Variants in ODF2L observed in about 807,000 individuals in gnomAD.
ODF2L encodes the protein outer dense fiber of sperm tails 2 like, also known as protein BCAP.
ODF2L carries 76 observed loss-of-function variants against 86.3 expected under a neutral mutation model. The observed-to-expected ratio is 0.88, with a 90% CI of 0.73 to 1.07. The LOEUF (loss-of-function observed/expected upper bound fraction) is 1.07. Ranked by LOEUF, ODF2L falls within the 50% of genes least tolerant of loss-of-function variation. ODF2L has a pLI of 0.00. For synonymous variants in ODF2L, 241 were observed against 231.3 expected, an observed-to-expected ratio of 1.04 and a Z score of -0.38; for missense variants, 748 against 717.4, an observed-to-expected ratio of 1.04 and a Z score of -0.49.
At chr1:86,378,918 G>C (rs1426012326) in intron 7 of ODF2L, among the ~76,000 whole-genome samples, 1 of 151,920 alleles carries the variant, frequency 6.6e-6, no homozygotes, top group Non-Finnish European at 1.5e-5. Context: ...GTTGGAGCTG[G>C]GGCCTGGTGG....
At chr1:86,366,391 T>TACACACACACACAC (rs71643841) in intron 11 of ODF2L, among the ~76,000 whole-genome samples, 4 of 119,286 alleles carry the variant, frequency 3.4e-5, no homozygotes, top group African/African-American at 6.6e-5. Flanking sequence ...AGACCCCACC[T>TACACACACACACAC]ACACACACAC....
chr1:86,348,428 G>C (rs571245406), downstream of ODF2L: 1 of 153,118 alleles, frequency 6.5e-6, no homozygotes, highest in South Asian at 2.1e-4. Context: ...AAATTCACTT[G>C]AATGGTGGCT....
At chr1:86,390,405 T>C (rs1374088089) in intron 1 of ODF2L, among the ~76,000 whole-genome samples, 6 of 149,700 alleles carry the variant, frequency 4.0e-5, no homozygotes, top group Middle Eastern at 3.4e-3. Context: ...GGCAACAGAG[T>C]GAGACTCCGT....
At chr1:86,360,442 T>C in exon 12 of ODF2L, 1 of 1,526,966 alleles carries the variant, frequency 6.5e-7, no homozygotes, top group East Asian at 2.3e-5. Context: ...TTTATACATT[T>C]CAATAAGGGT....
chr1:86,358,797 T>C, exon 13 of ODF2L: 1 of 1,364,918 alleles, frequency 7.3e-7, no homozygotes, highest in Non-Finnish European at 1.0e-6. Context: ...CTTCTCTACA[T>C]TTTTATTTTT....
chr1:86,394,838 T>C (rs1661600316), intron 1 of ODF2L, among the ~76,000 whole-genome samples: 1 of 117,252 alleles, frequency 8.5e-6, no homozygotes, highest in Non-Finnish European at 1.9e-5. Flanking sequence ...TGTTTCTTTT[T>C]CCTTTTTTTT....
Position 86,356,244 on chromosome 1 carries a change from A to T in ODF2L, c.1518+200T>A, listed in dbSNP as rs79579195. ...TGAATAAACTAAAATAAGAATTTTA[A>T]TTACCAATTTTTCACCATAAAATAC... On this transcript the variant is annotated intron_variant, in intron 14 of 17. Transcript: ENST00000317336. Among the ~76,000 whole-genome samples, 9 of 152,312 alleles carry T rather than the reference A, an allele frequency of 5.9e-5. 1 individual carries two copies. The East Asian group carries it at 1.7e-3, about 29-fold the overall frequency.
chr1:86,361,778 A>T (rs2100866941), intron 11 of ODF2L, among the ~76,000 whole-genome samples: 1 of 152,214 alleles, frequency 6.6e-6, no homozygotes, highest in East Asian at 1.9e-4. Context: ...TAATTCAAAA[A>T]GGCAGAAATG....
At chr1:86,376,823 G>A (rs1660209203) in intron 7 of ODF2L, among the ~76,000 whole-genome samples, 1 of 152,186 alleles carries the variant, frequency 6.6e-6, no homozygotes, top group Non-Finnish European at 1.5e-5. Flanking sequence ...CCCTAGACAT[G>A]TGGAGATTAT....
chr1:86,383,055 G>T, intron 5 of ODF2L, 53 bp from the exon 6 acceptor site: 2 of 1,286,664 alleles, frequency 1.6e-6, no homozygotes, highest in South Asian at 1.2e-5. Flanking sequence ...GATAATATTG[G>T]CTAACTTTAT....
At chr1:86,382,805 C>A in intron 6 of ODF2L, 126 bp downstream of exon 6, 1 of 627,530 alleles carries the variant, frequency 1.6e-6, no homozygotes, top group South Asian at 1.9e-5. Flanking sequence ...GTAAAATATC[C>A]AAATAATCTA....
At chr1:86,380,316 A>G (rs1471088270) in intron 7 of ODF2L, among the ~76,000 whole-genome samples, 1 of 152,180 alleles carries the variant, frequency 6.6e-6, no homozygotes, top group Non-Finnish European at 1.5e-5. Flanking sequence ...AACTAAGAGA[A>G]GGAGCAATAC....
intron 7 of ODF2L, among the ~76,000 whole-genome samples, chr1:86,379,024 G>C (rs1216637902): frequency 6.6e-6 from 1 of 151,844 alleles, no homozygotes; most frequent in Non-Finnish European, 1.5e-5. Flanking sequence ...TGCGAAATCA[G>C]GTTGTTTAAA....
rs144381853 is a variant in ODF2L, at chr1:86,358,813, T to C, written c.1333A>G (p.Lys445Glu). Reference sequence around the variant, plus strand: ...TTCTCTACATTTTTATTTTTGGTTTTTGTTATTTGGTTATTTTTATGTAGC... The same window carrying C: ...TTCTCTACATTTTTATTTTTGGTTTCTGTTATTTGGTTATTTTTATGTAGC... The change falls in exon 13 of 18, where the codon AAA (lysine) becomes GAA (glutamate). Residue 445 changes from lysine to glutamate, a missense_variant. Physicochemically the swap from Lys to Glu is moderately conservative, Grantham distance 56. Coordinates refer to ENST00000317336, the Ensembl canonical transcript of ODF2L. The C allele has an allele frequency of 3.2e-3, 4,854 of 1,500,070 alleles. 8 individuals are homozygous for C. The highest frequency in any genetic ancestry group is 6.8e-3 in the Admixed American group (356 of 52,570). 92.9% of individuals were successfully genotyped at this position (1,500,070 alleles called of 1,614,324 possible).
At chr1:86,357,601 AG>A (rs1658683138) in intron 13 of ODF2L, 2 of 147,294 alleles carry the variant, frequency 1.4e-5, no homozygotes, top group Non-Finnish European at 2.3e-5. Context: ...AAAGTAAAAC[AG>A]GAAAAAAAAA....
At chr1:86,364,917 T>A (rs76844497) in intron 11 of ODF2L, among the ~76,000 whole-genome samples, 5,232 of 152,314 alleles carry the variant, frequency 0.034, 169 homozygotes, top group East Asian at 0.14. Context: ...TGAAGTTGAA[T>A]CTTAACTAAG....
intron 11 of ODF2L, among the ~76,000 whole-genome samples, chr1:86,361,888 C>T (rs1217810492): frequency 1.3e-5 from 2 of 152,146 alleles, no homozygotes; most frequent in Non-Finnish European, 2.9e-5. Flanking sequence ...AGACGACATT[C>T]CCTTCCTCCA....
chr1:86,360,831 T>G (rs778623548), intron 11 of ODF2L: 1 of 180,554 alleles, frequency 5.5e-6, no homozygotes, highest in Non-Finnish European at 1.1e-5. Context: ...CAGAGGTTAC[T>G]GGAAAAGAAA....
chr1:86,359,802 G>A (rs916677756), intron 12 of ODF2L, among the ~76,000 whole-genome samples: 3 of 152,084 alleles, frequency 2.0e-5, no homozygotes, highest in African/African-American at 4.8e-5. Flanking sequence ...ACAGGTGTAC[G>A]CCACTACACC....
Sources: allele counts gnomAD v4.1 joint callset (sites outside exome capture counted in the v4.1 genomes callset), GRCh38; gene constraint gnomAD v4.1.1; transcripts MANE v1.5; gene names NCBI Gene and HGNC (gene_info 2026-07-23, HGNC 2026-07-21).